Variants in GBP5 observed in about 807,000 individuals in gnomAD.
GBP5 encodes the protein guanylate-binding protein 5.
A neutral mutation model predicts 58.2 loss-of-function variants in GBP5; 48 were observed. The observed-to-expected ratio is 0.83, with a 90% confidence interval of 0.65 to 1.05. The LOEUF is 1.05. Among genes scored for constraint, GBP5 ranks in the 50% least tolerant of loss-of-function variants. GBP5 has a pLI of 0.00. For missense variants in GBP5, 714 were observed against 686.8 expected, an observed-to-expected ratio of 1.04 and a Z score of -0.44; for synonymous variants, 248 against 251.8, an observed-to-expected ratio of 0.98 and a Z score of 0.14.
chr1:89,259,830 C>G lies in GBP5; in HGVS notation c.*874G>C, dbSNP rs914408493. On this transcript the variant is annotated 3_prime_UTR_variant, in exon 12 of 12. Coordinates refer to ENST00000370459, the MANE Select transcript of GBP5 (RefSeq NM_052942.5). ...AGTCTCCACAAATGGCCTTGCCCCC[C>G]CGACACCCCCGCACACACACACAAA... is the stretch of plus-strand genomic sequence containing the variant. 3.3e-5 allele frequency: 5 copies of G among 152,368 alleles called. No homozygotes were observed. The highest frequency in any genetic ancestry group is 7.3e-5 in the Non-Finnish European group (5 of 68,278). 9.4% of individuals were successfully genotyped at this position (152,368 alleles called of 1,614,324 possible).
chr1:89,265,066 A>G (rs1650159472), intron 7 of GBP5, 100 bp from the exon 8 acceptor site: 2 of 1,193,022 alleles, frequency 1.7e-6, no homozygotes, highest in East Asian at 4.8e-5. Context: ...GCATTGCCTG[A>G]AATTGTTTAG....
At position 89,259,283 on chromosome 1, in the gene GBP5, T is replaced by G. The variant is rs1206317657; in HGVS notation, c.*1421A>C. The stretch of plus-strand genomic sequence containing the variant: ...GAGGGTGAACAGAAAAGAAAAGGCT[T>G]CTTCTTTAGCCCTTAAGCCTATGAC... On this transcript the variant is annotated 3_prime_UTR_variant, in exon 12 of 12. Transcript: ENST00000370459. 6.6e-6 allele frequency: 1 copy of G among 152,208 alleles called. No homozygotes were observed. Among genetic ancestry groups the G allele is most frequent in the Non-Finnish European group, 1.5e-5 (1 of 68,040 alleles). 9.4% of individuals were successfully genotyped at this position (152,208 alleles called of 1,614,324 possible). A position where few individuals can be genotyped will look rare whatever the true frequency, so the allele number is the denominator to read the frequency against.
rs772855977 is a variant in GBP5, at chr1:89,264,710, G to A, written c.1125C>T (p.Asp375=). ...CCTCCAATTCTTTCTGGAAACTTTG[G>A]TCTACATCCTTGAAAGAGTTTTTCA... is the stretch of plus-strand genomic sequence containing the variant. The part of the protein sequence containing the change: ...VFMKNSFKDV[D]QSFQKELETL... Residue 375 remains aspartate (D), a synonymous_variant, in exon 8 of 12, where the codon GAC becomes GAT. Transcript: ENST00000370459. The A allele has an allele frequency of 1.2e-6, 2 of 1,613,868 alleles. No homozygotes were observed. Among genetic ancestry groups the A allele is most frequent in the East Asian group, 2.2e-5 (1 of 44,894 alleles).
chr1:89,263,928 C>A lies in GBP5; in HGVS notation c.1170G>T (p.Gln390His), dbSNP rs747217577. The A allele has an allele frequency of 6.2e-7, 1 of 1,609,612 alleles. No individual in the cohort carries two copies. The part of the protein sequence containing the change: ...KELETLLDAK[Q>H]NDICKRNLEA... ...CCAGGTTCCGTTTACAAATGTCATT[C>A]TGTTTTGCATCTAGTAGAGTCTTCA... is the stretch of plus-strand genomic sequence containing the variant. The change falls in exon 9 of 12, where the codon CAG becomes CAT. Residue 390 changes from glutamine to histidine, a missense_variant. Gln to His is a conservative substitution (Grantham distance 24, BLOSUM62 0). Coordinates refer to ENST00000370459, the MANE Select transcript of GBP5 (RefSeq NM_052942.5).
chr1:89,260,578 T>C lies in GBP5; in HGVS notation c.*126A>G, dbSNP rs1649970213. ...CCAGCATCATAATCTTATAACTCTA[T>C]ATGAAAGTTTGAAAAAATAATTATA... On this transcript the variant is annotated 3_prime_UTR_variant, in exon 12 of 12. Transcript: ENST00000370459. The C allele has an allele frequency of 7.9e-6, 5 of 633,420 alleles. No homozygotes were observed. In the South Asian group the frequency reaches 1.0e-4, roughly 13 times the overall value. 39.2% of individuals were successfully genotyped at this position (633,420 alleles called of 1,614,324 possible).
Position 89,262,372 on chromosome 1 carries a change from C to G in GBP5, c.1495G>C (p.Ala499Pro). 6.2e-7 allele frequency: 1 copy of G among 1,613,970 alleles called. No individual in the cohort carries two copies. The highest frequency in any genetic ancestry group is 8.5e-7 in the Non-Finnish European group (1 of 1,179,976). Residue 499 changes from alanine to proline, a missense_variant, in exon 11 of 12, where the codon GCT (alanine) becomes CCT (proline). Physicochemically the swap from Ala to Pro is conservative, Grantham distance 27. Transcript: ENST00000370459. ...EAQVKAEAEK[A>P]EAQRLAAIQR... ...ATCGCCGCCAACCTTTGCGCTTCAG[C>G]CTTTTCAGCTTCTGCTTTCACTTGT...
At position 89,261,990 on chromosome 1, in the gene GBP5, G is replaced by T. The variant is rs913678313; in HGVS notation, c.1647+230C>A. Reference sequence around the variant, plus strand: ...ATTATCAAAATAACCCTATAACATAGATATCATCACTGTGTCCATTTTACA... The same window carrying T: ...ATTATCAAAATAACCCTATAACATATATATCATCACTGTGTCCATTTTACA... On this transcript the variant is annotated intron_variant, in intron 11 of 11. Transcript: ENST00000370459. The T allele has an allele frequency of 1.3e-5, 7 of 539,274 alleles. No homozygotes were observed. The African/African-American group carries it at 1.3e-4, about 10-fold the overall frequency. 33.4% of individuals were successfully genotyped at this position (539,274 alleles called of 1,614,324 possible). A position where few individuals can be genotyped will look rare whatever the true frequency, so the allele number is the denominator to read the frequency against.
intron 1 of GBP5, 114 bp downstream of exon 1, chr1:89,272,338 C>T (rs1346251308): frequency 1.3e-5 from 2 of 152,248 alleles, no homozygotes; most frequent in African/African-American, 2.4e-5. Context: ...ACAATTTATT[C>T]TTTACTGAGG....
At chr1:89,267,964 G>A (rs1421315122) in intron 4 of GBP5, among the ~76,000 whole-genome samples, 8 of 152,092 alleles carry the variant, frequency 5.3e-5, no homozygotes, top group African/African-American at 1.9e-4. Flanking sequence ...CTCAAATTGT[G>A]GCTTGTCATC....
chr1:89,263,446 C>T, intron 9 of GBP5: 1 of 303,718 alleles, frequency 3.3e-6, no homozygotes, highest in African/African-American at 2.1e-5. Context: ...CCAATGTAAC[C>T]AAAAAGGCCT....
chr1:89,267,137 T>G lies in GBP5; in HGVS notation c.445A>C (p.Thr149Pro). 6.3e-7 allele frequency: 1 copy of G among 1,593,798 alleles called. No individual in the cohort carries two copies. Among genetic ancestry groups the G allele is most frequent in the Non-Finnish European group, 8.5e-7 (1 of 1,173,102 alleles). ...GAGTTTCTTGCCTTGAGCAGATCTG[T>G]CAGTTCTGTCACATTGCTGAGATGC... ...IDLLHNVTEL[T>P]DLLKARNSPD... The change falls in exon 6 of 12, where the codon ACA becomes CCA. Residue 149 changes from threonine to proline, a missense_variant. Thr to Pro is a conservative substitution (Grantham distance 38). Coordinates refer to ENST00000370459, the MANE Select transcript of GBP5 (RefSeq NM_052942.5).
intron 6 of GBP5, 85 bp from the exon 7 acceptor site, chr1:89,266,673 G>T: frequency 2.4e-6 from 3 of 1,235,546 alleles, no homozygotes; most frequent in Non-Finnish European, 3.4e-6. Context: ...CCTTCCACCT[G>T]ATGTCACTTA....
rs148001443 is a variant in GBP5 at position 89,259,409 on chromosome 1, A to G, written c.*1295T>C. 1 of 152,320 alleles carries G rather than the reference A, an allele frequency of 6.6e-6. No individual in the cohort carries two copies. 9.4% of individuals were successfully genotyped at this position (152,320 alleles called of 1,614,324 possible). On this transcript the variant is annotated 3_prime_UTR_variant, in exon 12 of 12. Transcript: ENST00000370459. ...TGGAATTTCTCTACGCAGATTGTCT[A>G]TTGACAGTGCCAAGGAAACATCTCA... is the stretch of plus-strand genomic sequence containing the variant.
rs1480315138 is a variant in GBP5, at chr1:89,266,369, C to T, written c.845G>A (p.Gly282Asp). 5.6e-6 allele frequency: 9 copies of T among 1,613,702 alleles called. No individual in the cohort carries two copies. Among genetic ancestry groups the T allele is most frequent in the South Asian group, 2.2e-5 (2 of 91,062 alleles). ...ACGAGATCCATTGACCATGATGCCA[C>T]CTGGAAGAGTCTTGGTCATAGAATG... is the stretch of plus-strand genomic sequence containing the variant. ...FSHSMTKTLPGGIMVNGSRLK... is the reference protein window; with the variant it reads ...FSHSMTKTLPDGIMVNGSRLK... The change falls in exon 7 of 12, where the codon GGT becomes GAT. Residue 282 changes from glycine to aspartate, a missense_variant. Gly to Asp is a moderately conservative substitution (Grantham distance 94). Coordinates refer to ENST00000370459, the MANE Select transcript of GBP5 (RefSeq NM_052942.5).
intron 3 of GBP5, among the ~76,000 whole-genome samples, 155 bp downstream of exon 3, chr1:89,269,211 C>T (rs1235889774): frequency 6.6e-6 from 1 of 152,064 alleles, no homozygotes. Context: ...GAGAACTGGT[C>T]TTCATCTTCC....
At chr1:89,269,305 C>T in intron 3 of GBP5, 61 bp downstream of exon 3, 1 of 1,509,150 alleles carries the variant, frequency 6.6e-7, no homozygotes. Flanking sequence ...CTTCCTCGTA[C>T]TGGATGGTGA....
intron 2 of GBP5, chr1:89,270,161 A>G (rs543616379): frequency 6.6e-6 from 1 of 152,352 alleles, no homozygotes; most frequent in South Asian, 2.1e-4. Flanking sequence ...ACTTCAAAGC[A>G]TGATTATTTT....
intron 2 of GBP5, chr1:89,269,992 C>T (rs1307541073): frequency 6.6e-6 from 1 of 152,372 alleles, no homozygotes; most frequent in Admixed American, 6.5e-5. Flanking sequence ...TTTGTGTCAA[C>T]TTCATTTTTT....
Position 89,262,799 on chromosome 1 carries a change from A to C in GBP5, c.1363-14T>G, listed in dbSNP as rs1359630806. On this transcript the variant is annotated splice_polypyrimidine_tract_variant and intron_variant, in intron 9 of 11. Coordinates refer to ENST00000370459, the MANE Select transcript of GBP5 (RefSeq NM_052942.5). ...AACTTCTTCAGCCTAGCAACCCGGAAAACATGCAGTTAGATGCAGGAAATG... is the reference window on the plus strand; with the variant it reads ...AACTTCTTCAGCCTAGCAACCCGGACAACATGCAGTTAGATGCAGGAAATG... The C allele has an allele frequency of 6.8e-7, 1 of 1,467,810 alleles. No homozygotes were observed. The highest frequency in any genetic ancestry group is 9.3e-7 in the Non-Finnish European group (1 of 1,079,642). 90.9% of individuals were successfully genotyped at this position (1,467,810 alleles called of 1,614,324 possible).
Sources: allele counts gnomAD v4.1 joint callset (sites outside exome capture counted in the v4.1 genomes callset), GRCh38; gene constraint gnomAD v4.1.1; transcripts MANE v1.5; gene names NCBI Gene and HGNC (gene_info 2026-07-23, HGNC 2026-07-21).